Variants in ST3GAL3 observed in about 807,000 individuals in gnomAD.
The protein encoded by ST3GAL3 is CMP-N-acetylneuraminate-beta-1,4-galactoside alpha-2,3-sialyltransferase.
Under a neutral mutation model 50.1 loss-of-function variants are expected in ST3GAL3, and 21 were observed. The ratio of observed to expected loss-of-function variants is 0.42; its 90% confidence interval spans 0.30 to 0.60. The LOEUF is 0.60. Ranked by LOEUF, ST3GAL3 falls within the 20% of genes least tolerant of loss-of-function variation. The pLI is 0.19. For missense variants in ST3GAL3, 353 were observed against 489.4 expected, an observed-to-expected ratio of 0.72 and a Z score of 2.63; for synonymous variants, 183 against 190.0, an observed-to-expected ratio of 0.96 and a Z score of 0.30.
chr1:43,803,833 G>A (rs1350280274), intron 3 of ST3GAL3, among the ~76,000 whole-genome samples: 2 of 152,206 alleles, frequency 1.3e-5, no homozygotes, highest in African/African-American at 2.4e-5. Flanking sequence ...GGAGGGGAAG[G>A]TCAGGGATTT....
intron 3 of ST3GAL3, among the ~76,000 whole-genome samples, chr1:43,812,462 T>G (rs1465749307): frequency 6.6e-6 from 1 of 152,212 alleles, no homozygotes; most frequent in Non-Finnish European, 1.5e-5. Context: ...ATGTCTCTTT[T>G]CTGAGGGCTG....
intron 11 of ST3GAL3, among the ~76,000 whole-genome samples, chr1:43,925,296 CAAAA>C (rs57654790): frequency 5.5e-5 from 5 of 90,230 alleles, no homozygotes; most frequent in Non-Finnish European, 7.3e-5. Flanking sequence ...GACTGTGTCT[CAAAA>C]AAAAAAAAAA....
At chr1:43,750,955 ATG>A (rs1238787492) in intron 2 of ST3GAL3, among the ~76,000 whole-genome samples, 1 of 152,108 alleles carries the variant, frequency 6.6e-6, no homozygotes, top group African/African-American at 2.4e-5. Flanking sequence ...CAAAGTTAAG[ATG>A]AACAACAAGC....
chr1:43,754,457 G>T (rs1386613377), intron 2 of ST3GAL3, among the ~76,000 whole-genome samples: 2 of 152,134 alleles, frequency 1.3e-5, no homozygotes, highest in African/African-American at 4.8e-5. Context: ...CTCCCAAAGT[G>T]CTGGGATTAC....
At chr1:43,902,411 G>A (rs1259225634) in intron 9 of ST3GAL3, among the ~76,000 whole-genome samples, 6 of 152,230 alleles carry the variant, frequency 3.9e-5, no homozygotes, top group African/African-American at 1.4e-4. Context: ...ATGGGAAGGG[G>A]CAGGGGGGAA....
At chr1:43,718,412 A>G (rs1229957620) in intron 1 of ST3GAL3, among the ~76,000 whole-genome samples, 1 of 147,816 alleles carries the variant, frequency 6.8e-6, no homozygotes, top group Non-Finnish European at 1.5e-5. Flanking sequence ...GATGGTCTCG[A>G]TCTCCCGATC....
intron 5 of ST3GAL3, chr1:43,858,140 A>G (rs1203391582): frequency 7.8e-7 from 1 of 1,289,374 alleles, no homozygotes. Flanking sequence ...CCCAGAGCTA[A>G]GAGAAATGGT....
intron 2 of ST3GAL3, among the ~76,000 whole-genome samples, chr1:43,765,699 G>A (rs1157459318): frequency 1.3e-5 from 2 of 151,600 alleles, no homozygotes; most frequent in African/African-American, 4.8e-5. Flanking sequence ...CCTTGCTCTG[G>A]AAAGGCAAAA....
At chr1:43,783,847 T>C (rs1375550638) in intron 2 of ST3GAL3, among the ~76,000 whole-genome samples, 1 of 152,206 alleles carries the variant, frequency 6.6e-6, no homozygotes, top group African/African-American at 2.4e-5. Flanking sequence ...CTGCCCCTGA[T>C]CTGCACCCAG....
At chr1:43,824,844 C>T (rs1382162112) in intron 4 of ST3GAL3, 2 of 1,126,452 alleles carry the variant, frequency 1.8e-6, no homozygotes, top group African/African-American at 3.1e-5. Flanking sequence ...ATTTTGAAGT[C>T]ACTGAGCGAG....
At chr1:43,860,367 G>A (rs1383122139) in intron 5 of ST3GAL3, among the ~76,000 whole-genome samples, 1 of 152,176 alleles carries the variant, frequency 6.6e-6, no homozygotes, top group Non-Finnish European at 1.5e-5. Context: ...GGAGGCCTGG[G>A]CTCCTGACGC....
chr1:43,781,709 A>G (rs376433268), intron 2 of ST3GAL3, among the ~76,000 whole-genome samples: 10 of 152,230 alleles, frequency 6.6e-5, no homozygotes, highest in African/African-American at 1.4e-4. Context: ...TACAACGCCT[A>G]AAATATTTAC....
At chr1:43,770,705 T>G (rs1187861836) in intron 2 of ST3GAL3, among the ~76,000 whole-genome samples, 1 of 152,188 alleles carries the variant, frequency 6.6e-6, no homozygotes, top group Non-Finnish European at 1.5e-5. Context: ...TAGTTGTTGA[T>G]TGACTGTTAA....
chr1:43,782,438 C>T (rs1032868760), intron 2 of ST3GAL3, among the ~76,000 whole-genome samples: 6 of 152,178 alleles, frequency 3.9e-5, no homozygotes, highest in African/African-American at 1.4e-4. Context: ...CTGTTGATAT[C>T]ATTAATTTTC....
At chr1:43,913,582 G>A (rs2081301612) in intron 9 of ST3GAL3, 1 of 152,090 alleles carries the variant, frequency 6.6e-6, no homozygotes, top group Admixed American at 6.5e-5. Flanking sequence ...GGTTTTGTTG[G>A]TACTTGATAT....
chr1:43,813,899 A>ATG (rs2060901944), intron 3 of ST3GAL3, among the ~76,000 whole-genome samples: 1 of 38,708 alleles, frequency 2.6e-5, no homozygotes. Context: ...ACACACGCAC[A>ATG]CACGCACACA....
rs557717386 is a variant in ST3GAL3, at chr1:43,830,647, G to A, written c.210-7572G>A. On this transcript the variant is annotated intron_variant, in intron 4 of 11. Transcript: ENST00000347631. Reference sequence around the variant, plus strand: ...GAAGAATTGAACAGAGGATTTGACTGTGATTTTAACTACAAATTTTATGAG... The same window carrying A: ...GAAGAATTGAACAGAGGATTTGACTATGATTTTAACTACAAATTTTATGAG... Among the ~76,000 whole-genome samples the A allele has an allele frequency of 3.9e-5, 6 of 152,292 alleles. No individual in the cohort carries two copies. In the South Asian group the frequency reaches 1.2e-3, roughly 32 times the overall value.
intron 2 of ST3GAL3, among the ~76,000 whole-genome samples, chr1:43,759,286 A>G (rs1689396016): frequency 6.6e-6 from 1 of 152,012 alleles, no homozygotes. Context: ...TCTACTAAAA[A>G]TACAAAAATT....
chr1:43,898,865 C>G (rs1287998960), intron 7 of ST3GAL3, among the ~76,000 whole-genome samples: 1 of 152,182 alleles, frequency 6.6e-6, no homozygotes, highest in Non-Finnish European at 1.5e-5. Context: ...AACCTTTACC[C>G]TAGAATGTCA....
Sources: allele counts gnomAD v4.1 joint callset (sites outside exome capture counted in the v4.1 genomes callset), GRCh38; gene constraint gnomAD v4.1.1; transcripts MANE v1.5; gene names NCBI Gene and HGNC (gene_info 2026-07-23, HGNC 2026-07-21).